Variants in ARHGEF12 observed in about 807,000 individuals in gnomAD.
ARHGEF12 encodes KMT2A/ARHGEF12 fusion protein.
In ARHGEF12, 66 loss-of-function variants were observed where a neutral mutation model predicts 211.2. That is an observed-to-expected ratio of 0.31 (90% CI 0.26 to 0.38). The LOEUF (loss-of-function observed/expected upper bound fraction) is 0.38. Ranked by LOEUF, ARHGEF12 falls within the 10% of genes least tolerant of loss-of-function variation. The pLI is 1.00. For missense variants in ARHGEF12, 1,429 were observed against 1,869.5 expected (o/e 0.76, Z 4.34); for synonymous variants, 592 against 638.4 (o/e 0.93, Z 1.09).
intron 11 of ARHGEF12, among the ~76,000 whole-genome samples, chr11:120,433,192 G>T (rs1416813411): frequency 6.6e-6 from 1 of 152,152 alleles, no homozygotes; most frequent in Admixed American, 6.5e-5. Context: ...CAGGCAATAG[G>T]TGATCTACTT....
intron 27 of ARHGEF12, 45 bp from the exon 28 acceptor site, chr11:120,465,192 C>T: frequency 6.2e-7 from 1 of 1,610,836 alleles, no homozygotes; most frequent in Non-Finnish European, 8.5e-7. Context: ...CTTGTATAAG[C>T]TCAGTTTCCC....
chr11:120,457,909 A>G (rs955511160), intron 24 of ARHGEF12, 153 bp downstream of exon 24: 5 of 1,137,334 alleles, frequency 4.4e-6, no homozygotes, highest in Non-Finnish European at 4.9e-6. Flanking sequence ...GGTCATTCAA[A>G]AGCTGTATTT....
intron 39 of ARHGEF12, 62 bp from the exon 40 acceptor site, chr11:120,484,376 A>G: frequency 1.4e-6 from 2 of 1,470,570 alleles, no homozygotes; most frequent in Non-Finnish European, 1.9e-6. Flanking sequence ...TGTTTTCTGA[A>G]GTTTTTGTTT....
At chr11:120,446,713 G>A (rs865850338) in intron 17 of ARHGEF12, among the ~76,000 whole-genome samples, 8 of 152,158 alleles carry the variant, frequency 5.3e-5, no homozygotes, top group African/African-American at 1.9e-4. Flanking sequence ...TGCAGGATCT[G>A]AGCTCAGTGC....
At chr11:120,395,785 C>T (rs561341671) in intron 1 of ARHGEF12, among the ~76,000 whole-genome samples, 4 of 152,024 alleles carry the variant, frequency 2.6e-5, no homozygotes, top group Admixed American at 6.5e-5. Flanking sequence ...GATTCAATTA[C>T]CTCCCACCAG....
intron 18 of ARHGEF12, 78 bp downstream of exon 18, chr11:120,447,163 T>G (rs2135818241): frequency 2.7e-6 from 4 of 1,472,920 alleles, no homozygotes; most frequent in Non-Finnish European, 2.7e-6. Context: ...TTGGGTAGGT[T>G]TAGAAAAACT....
intron 1 of ARHGEF12, among the ~76,000 whole-genome samples, chr11:120,339,103 T>G (rs12270771): frequency 0.017 from 2,549 of 151,150 alleles, 79 homozygotes; most frequent in African/African-American, 0.059. Flanking sequence ...GGCATTAATG[T>G]TTTTTGAACT....
chr11:120,465,350 G>C lies in ARHGEF12; in HGVS notation c.2727G>C (p.Gln909His), dbSNP rs200915672. Residue 909 changes from glutamine to histidine, a missense_variant, in exon 28 of 41, where the codon CAG becomes CAC. Transcript: ENST00000397843. ...KSRQKKDSRF[Q>H]TFVQDAESNP... is the part of the protein sequence containing the mutation. ...GTCAGAAAAAGGATTCTCGATTTCA[G>C]ACTTTTGTGCAAGTGAGTTGAGTGA... 2.3e-5 allele frequency: 37 copies of C among 1,613,998 alleles called. No homozygotes were observed. Among genetic ancestry groups the C allele is most frequent in the African/African-American group, 6.7e-5 (5 of 74,912 alleles).
intron 1 of ARHGEF12, among the ~76,000 whole-genome samples, chr11:120,402,974 AAAATGT>A (rs1431438965): frequency 6.6e-6 from 1 of 152,212 alleles, no homozygotes; most frequent in Non-Finnish European, 1.5e-5. Context: ...AAACTTGGTT[AAAATGT>A]AAGTCTTACT....
intron 22 of ARHGEF12, among the ~76,000 whole-genome samples, chr11:120,455,385 A>T (rs901805535): frequency 6.6e-6 from 1 of 152,218 alleles, no homozygotes; most frequent in Admixed American, 6.5e-5. Flanking sequence ...ACTGCATCAC[A>T]TTCCTCATCA....
At chr11:120,445,516 GC>G in intron 16 of ARHGEF12, 52 bp downstream of exon 16, 2 of 1,554,682 alleles carry the variant, frequency 1.3e-6, no homozygotes, top group Non-Finnish European at 8.9e-7. Context: ...TAGATATGTA[GC>G]TCAGCTCATC....
intron 1 of ARHGEF12, among the ~76,000 whole-genome samples, chr11:120,396,724 A>G (rs2135524981): frequency 6.6e-6 from 1 of 152,304 alleles, no homozygotes; most frequent in South Asian, 2.1e-4. Context: ...CTTAGAAGAA[A>G]ATGTAGGGGT....
At chr11:120,353,138 A>C (rs536307096) in intron 1 of ARHGEF12, among the ~76,000 whole-genome samples, 1 of 152,090 alleles carries the variant, frequency 6.6e-6, no homozygotes, top group East Asian at 1.9e-4. Context: ...CTATCTCAGA[A>C]CCTTCAGATC....
At chr11:120,392,321 G>A (rs748917237) in intron 1 of ARHGEF12, among the ~76,000 whole-genome samples, 3 of 152,038 alleles carry the variant, frequency 2.0e-5, no homozygotes, top group Admixed American at 6.6e-5. Flanking sequence ...CTAAATTAAT[G>A]TATTTAGTCA....
intron 21 of ARHGEF12, 120 bp downstream of exon 21, chr11:120,449,334 C>A: frequency 1.3e-6 from 1 of 742,654 alleles, no homozygotes; most frequent in South Asian, 1.9e-5. Flanking sequence ...TACTGAATTC[C>A]CAATATGCCT....
chr11:120,380,118 C>T (rs1239364858), intron 1 of ARHGEF12, among the ~76,000 whole-genome samples: 3 of 152,158 alleles, frequency 2.0e-5, no homozygotes, highest in Admixed American at 1.3e-4. Flanking sequence ...TTCACTGCCC[C>T]CTGAGAGTAC....
chr11:120,363,927 G>A (rs1943351058), intron 1 of ARHGEF12, among the ~76,000 whole-genome samples: 1 of 152,156 alleles, frequency 6.6e-6, no homozygotes, highest in South Asian at 2.1e-4. Flanking sequence ...TAGTTTTCCA[G>A]CTTTATTGAG....
intron 20 of ARHGEF12, 117 bp from the exon 21 acceptor site, chr11:120,448,992 C>T (rs764980159): frequency 5.7e-5 from 46 of 803,358 alleles, no homozygotes; most frequent in Middle Eastern, 3.7e-4. Context: ...CACACGTGTA[C>T]GGGTTTTCAT....
intron 1 of ARHGEF12, among the ~76,000 whole-genome samples, chr11:120,374,905 A>C (rs1591516600): frequency 6.6e-6 from 1 of 152,290 alleles, no homozygotes; most frequent in Middle Eastern, 3.4e-3. Flanking sequence ...CTGTACTTTG[A>C]AATTTCATAA....
Sources: allele counts gnomAD v4.1 joint callset (sites outside exome capture counted in the v4.1 genomes callset), GRCh38; gene constraint gnomAD v4.1.1; transcripts MANE v1.5; gene names NCBI Gene and HGNC (gene_info 2026-07-23, HGNC 2026-07-21).